GPR158: variants seen among roughly 807,000 people sequenced by gnomAD.
The protein encoded by GPR158 is G protein-coupled receptor 158, also known as metabotropic glycine receptor.
A neutral mutation model predicts 78.2 loss-of-function variants in GPR158; 30 were observed. That is an observed-to-expected ratio of 0.38 (90% CI 0.29 to 0.52). The LOEUF is 0.52. Ranked by LOEUF, GPR158 falls within the 20% of genes least tolerant of loss-of-function variation. The pLI is 0.83. For missense variants in GPR158, 1,463 were observed against 1,523.5 expected (o/e 0.96, Z 0.66); for synonymous variants, 581 against 591.1 (o/e 0.98, Z 0.25).
chr10:25,547,640 C>T lies in GPR158; in HGVS notation c.1405-3336C>T, dbSNP rs1836679711. Reference sequence around the variant, plus strand: ...TTCACAGGGTGATGGCATTCATCACCTCCCCCACACAGCAGAGCCAGTTAG... The same window carrying T: ...TTCACAGGGTGATGGCATTCATCACTTCCCCCACACAGCAGAGCCAGTTAG... On this transcript the variant is annotated intron_variant, in intron 5 of 10. Coordinates refer to ENST00000376351, the MANE Select transcript of GPR158 (RefSeq NM_020752.3). Among the ~76,000 whole-genome samples, 4 of 152,054 alleles carry T rather than the reference C, an allele frequency of 2.6e-5. No homozygotes were observed. In the South Asian group the frequency reaches 8.3e-4, roughly 32 times the overall value.
intron 1 of GPR158, among the ~76,000 whole-genome samples, chr10:25,199,490 T>C (rs368832491): frequency 2.6e-5 from 4 of 152,288 alleles, no homozygotes; most frequent in Admixed American, 1.3e-4. Flanking sequence ...TCATTCTTTT[T>C]TATGGCTGCT....
chr10:25,330,223 C>A (rs2130491090), intron 2 of GPR158, among the ~76,000 whole-genome samples: 1 of 152,248 alleles, frequency 6.6e-6, no homozygotes, highest in Non-Finnish European at 1.5e-5. Context: ...TTAAAACCTT[C>A]CTCTTCTAGC....
At chr10:25,246,803 T>G (rs893271221) in intron 2 of GPR158, among the ~76,000 whole-genome samples, 3 of 152,314 alleles carry the variant, frequency 2.0e-5, no homozygotes, top group Admixed American at 6.5e-5. Flanking sequence ...ATAAGAAGGA[T>G]TTTTGGATGT....
chr10:25,399,159 G>T (rs948434539), intron 3 of GPR158, among the ~76,000 whole-genome samples: 2 of 152,062 alleles, frequency 1.3e-5, no homozygotes, highest in Admixed American at 1.3e-4. Flanking sequence ...AGTGTCGAGC[G>T]AAGGGGGAAG....
At chr10:25,495,868 T>G (rs1835873514) in intron 5 of GPR158, among the ~76,000 whole-genome samples, 1 of 152,096 alleles carries the variant, frequency 6.6e-6, no homozygotes, top group Non-Finnish European at 1.5e-5. Flanking sequence ...TTATATCATT[T>G]CCTTTAGAGC....
chr10:25,596,560 G>T (rs183131990), intron 9 of GPR158, 83 bp from the exon 10 acceptor site: 2 of 865,560 alleles, frequency 2.3e-6, no homozygotes, highest in Non-Finnish European at 3.7e-6. Context: ...TACCTATATA[G>T]ATATAGGTAT....
At chr10:25,334,443 C>T (rs1161888543) in intron 2 of GPR158, among the ~76,000 whole-genome samples, 5 of 152,154 alleles carry the variant, frequency 3.3e-5, no homozygotes, top group Non-Finnish European at 7.4e-5. Flanking sequence ...AATCTCCTGT[C>T]ATTGCGAAGC....
At chr10:25,254,851 A>G (rs1853870571) in intron 2 of GPR158, among the ~76,000 whole-genome samples, 1 of 152,214 alleles carries the variant, frequency 6.6e-6, no homozygotes, top group African/African-American at 2.4e-5. Context: ...GTATCTAATG[A>G]CTAGACACAT....
chr10:25,542,162 C>A (rs1026037864), intron 5 of GPR158, among the ~76,000 whole-genome samples: 7 of 151,958 alleles, frequency 4.6e-5, no homozygotes, highest in African/African-American at 1.7e-4. Context: ...CTCACACTCT[C>A]TACTAACAGA....
chr10:25,184,184 T>G (rs1378674245), intron 1 of GPR158, among the ~76,000 whole-genome samples: 1 of 152,194 alleles, frequency 6.6e-6, no homozygotes, highest in Admixed American at 6.5e-5. Context: ...TACTGCTGTA[T>G]GTAAATTTTT....
chr10:25,181,984 TTGAGATTACAGGTGTGAGCCATCA>T (rs1347219055), intron 1 of GPR158, among the ~76,000 whole-genome samples: 2 of 152,070 alleles, frequency 1.3e-5, no homozygotes, highest in Admixed American at 6.5e-5. Flanking sequence ...TCCCAAAGTG[TTGAGATTACAGGTGTGAGCCATCA>T]CACCTAGCCC....
intron 4 of GPR158, among the ~76,000 whole-genome samples, chr10:25,443,658 C>T (rs1387500648): frequency 5.4e-5 from 8 of 147,424 alleles, no homozygotes; most frequent in Non-Finnish European, 1.2e-4. Flanking sequence ...CATTCCACTT[C>T]GTCCTCCCAA....
In GPR158 at chr10:25,331,038, G is replaced by C. The variant is rs987791168; in HGVS notation, c.1009-64873G>C. On this transcript the variant is annotated intron_variant, in intron 2 of 10. Transcript: ENST00000376351. Reference sequence around the variant, plus strand: ...TATGGCAGCCTACTCCTGGGCTCAAGCAATGCTCATGGCTCTGCCTCCTAA... The same window carrying C: ...TATGGCAGCCTACTCCTGGGCTCAACCAATGCTCATGGCTCTGCCTCCTAA... Among the ~76,000 whole-genome samples the C allele has an allele frequency of 2.6e-5, 4 of 152,182 alleles. No homozygotes were observed. In the East Asian group the frequency reaches 7.7e-4, roughly 29 times the overall value.
chr10:25,217,785 A>G (rs903045751), intron 1 of GPR158, among the ~76,000 whole-genome samples: 2 of 152,196 alleles, frequency 1.3e-5, no homozygotes, highest in African/African-American at 2.4e-5. Context: ...TTAATGGACA[A>G]ATAGAGGAAA....
chr10:25,415,833 A>C (rs1164869061), intron 4 of GPR158, among the ~76,000 whole-genome samples: 2 of 152,144 alleles, frequency 1.3e-5, no homozygotes, highest in Non-Finnish European at 2.9e-5. Flanking sequence ...AGTGGTTACC[A>C]GGTACTACCA....
chr10:25,202,382 C>A (rs921242077), intron 1 of GPR158, among the ~76,000 whole-genome samples: 4 of 151,780 alleles, frequency 2.6e-5, no homozygotes, highest in African/African-American at 9.7e-5. Context: ...TAGGTATTTC[C>A]CCTAATGCTA....
rs139195286 is a variant in GPR158 at position 25,325,227 on chromosome 10, G to A, written c.1009-70684G>A. 6.8e-3 allele frequency among the ~76,000 whole-genome samples: 1,033 copies of A among 152,138 alleles called. 48 individuals are homozygous for A. Among genetic ancestry groups the A allele is most frequent in the Admixed American group, 0.061 (928 of 15,284 alleles). ...GGAAGAGATGAGGAGAAAGGGAGAG[G>A]ATTCGAGCATAAAAACTGTGATTGA... is the stretch of plus-strand genomic sequence containing the variant. On this transcript the variant is annotated intron_variant, in intron 2 of 10. Transcript: ENST00000376351.
chr10:25,418,891 C>G (rs909349239), intron 4 of GPR158, among the ~76,000 whole-genome samples: 2 of 150,514 alleles, frequency 1.3e-5, no homozygotes, highest in African/African-American at 2.4e-5. Context: ...TTGCTATAAT[C>G]TTTCTTTTAA....
chr10:25,220,953 G>A, intron 1 of GPR158, 99 bp from the exon 2 acceptor site: 1 of 715,350 alleles, frequency 1.4e-6, no homozygotes, highest in Non-Finnish European at 2.3e-6. Context: ...ACAATTTTTG[G>A]CATGTTCTTT....
Sources: gnomAD v4.1 joint callset for allele counts (sites outside exome capture counted in the v4.1 genomes callset) on GRCh38, gnomAD v4.1.1 for gene constraint, MANE v1.5 for transcripts, NCBI Gene and HGNC (gene_info 2026-07-23, HGNC 2026-07-21) for gene names.